PFAS: variants seen among roughly 807,000 people sequenced by gnomAD.
The protein encoded by PFAS is phosphoribosylformylglycinamidine synthase, also known as FGAM synthase.
In PFAS, 97 loss-of-function variants were observed where a neutral mutation model predicts 140.6. The observed-to-expected ratio is 0.69, with a 90% confidence interval of 0.59 to 0.82. The LOEUF (loss-of-function observed/expected upper bound fraction) is 0.82, where lower values mean the gene tolerates loss of function less well. Ranked by LOEUF, PFAS falls within the 40% of genes least tolerant of loss-of-function variation. The probability of loss-of-function intolerance (pLI) is 0.00; values close to 1 mark genes in which losing one functional copy is unlikely to be tolerated. For missense variants in PFAS, 1,656 were observed against 1,780.2 expected, an observed-to-expected ratio of 0.93 and a Z score of 1.26; for synonymous variants, 679 against 718.8, an observed-to-expected ratio of 0.94 and a Z score of 0.88.
intron 1 of PFAS, among the ~76,000 whole-genome samples, chr17:8,251,919 C>G (rs914334320): frequency 2.6e-5 from 4 of 151,848 alleles, no homozygotes; most frequent in African/African-American, 9.7e-5. Flanking sequence ...GTGATCTGCC[C>G]CTCTTGGCCT....
chr17:8,248,661 G>C (rs1403347390), upstream of PFAS, among the ~76,000 whole-genome samples: 1 of 151,740 alleles, frequency 6.6e-6, no homozygotes, highest in Non-Finnish European at 1.5e-5. Context: ...GGGCTCAAGC[G>C]ATCCTCCCAC....
chr17:8,267,529 C>G lies in PFAS; in HGVS notation c.3268-22C>G. 1 of 1,587,052 alleles carries G rather than the reference C, an allele frequency of 6.3e-7. No individual in the cohort carries two copies. Among genetic ancestry groups the G allele is most frequent in the Admixed American group, 1.7e-5 (1 of 59,974 alleles). ...TCAGCTGCGTGTCCTCCCACCCACACTCCCCCTCCCCACCTTCGCAGGTAT... is the reference window on the plus strand; with the variant it reads ...TCAGCTGCGTGTCCTCCCACCCACAGTCCCCCTCCCCACCTTCGCAGGTAT... On this transcript the variant is annotated intron_variant, in intron 25 of 27. Transcript: ENST00000314666. This position sits in a 1 kb window ranked among gnomAD's most constrained non-coding sequence, Gnocchi z 4.9.
rs753033356 is a variant in PFAS at position 8,267,381 on chromosome 17, G to A, written c.3185G>A (p.Ser1062Asn). ...CTTATTCTCCCCCAAGGTGGTCCCA[G>A]CCCCCGAGTCGCCATCTTGCGAGAG... ...ASVPREPGGPSPRVAILREEG... is the reference protein window; with the variant it reads ...ASVPREPGGPNPRVAILREEG... The change falls in exon 25 of 28, where the codon AGC becomes AAC. Residue 1062 changes from serine (S) to asparagine (N), a missense_variant. By Grantham distance (46) the Ser-to-Asn change is conservative (BLOSUM62 1). Around this residue, in one of 2 missense-constraint regions of PFAS, gnomAD observed 883 missense variants for 1,023.0 expected, o/e 0.86. Transcript: ENST00000314666. The surrounding 1 kb of genome is among the most constrained non-coding windows in gnomAD (Gnocchi z 4.9). 3.7e-6 allele frequency: 6 copies of A among 1,613,980 alleles called. No homozygotes were observed. In the Admixed American group the frequency reaches 1.0e-4, roughly 27 times the overall value.
chr17:8,249,712 A>G (rs904574735), intron 1 of PFAS, among the ~76,000 whole-genome samples: 2 of 152,216 alleles, frequency 1.3e-5, no homozygotes, highest in Non-Finnish European at 2.9e-5. Flanking sequence ...GACGGAAATC[A>G]AGTGGCTTAA....
At chr17:8,260,125 G>A (rs1439316317) in intron 11 of PFAS, among the ~76,000 whole-genome samples, 2 of 151,662 alleles carry the variant, frequency 1.3e-5, no homozygotes, top group African/African-American at 4.8e-5. Context: ...TTTTTTTTAA[G>A]TGTGGTAAAT....
In PFAS at chr17:8,267,345, G is replaced by A. The variant is rs1232240908; in HGVS notation, c.3176-27G>A. ...GTTGGGGTGGGGAAGTGACTTTCTG[G>A]CCCAAAGACACTTATTCTCCCCCAA... On this transcript the variant is annotated intron_variant, in intron 24 of 27. Coordinates refer to ENST00000314666, the MANE Select transcript of PFAS (RefSeq NM_012393.3). This position sits in a 1 kb window ranked among gnomAD's most constrained non-coding sequence, Gnocchi z 4.9. The A allele has an allele frequency of 6.2e-7, 1 of 1,607,478 alleles. No individual in the cohort carries two copies. The highest frequency in any genetic ancestry group is 8.5e-7 in the Non-Finnish European group (1 of 1,174,384).
rs1312643450 is a variant in PFAS, at chr17:8,267,878, A to G, written c.3382+213A>G. On this transcript the variant is annotated intron_variant, in intron 26 of 27. Coordinates refer to ENST00000314666, the MANE Select transcript of PFAS (RefSeq NM_012393.3). The surrounding 1 kb of genome is among the most constrained non-coding windows in gnomAD (Gnocchi z 4.9). ...TATATATATACACATATGTAATTAA[A>G]ATATATATTATTAAATATATATTAT... 6.8e-6 allele frequency among the ~76,000 whole-genome samples: 1 copy of G among 146,274 alleles called. No individual in the cohort carries two copies. The highest frequency in any genetic ancestry group is 1.5e-5 in the Non-Finnish European group (1 of 66,844).
In PFAS at chr17:8,267,547, G is replaced by A. The variant is rs745773277; in HGVS notation, c.3268-4G>A. ...ACCCACACTCCCCCTCCCCACCTTC[G>A]CAGGTATGGGACGTGACCATGCAGG... On this transcript the variant is annotated splice_polypyrimidine_tract_variant and splice_region_variant and intron_variant, in intron 25 of 27. Transcript: ENST00000314666. The surrounding 1 kb of genome is among the most constrained non-coding windows in gnomAD (Gnocchi z 4.9). 7 of 1,600,120 alleles carry A rather than the reference G, an allele frequency of 4.4e-6. No individual in the cohort carries two copies. The highest frequency in any genetic ancestry group is 4.0e-5 in the African/African-American group (3 of 74,656).
In PFAS at chr17:8,267,922, T is replaced by C. The variant is rs1437425061; in HGVS notation, c.3382+257T>C. Among the ~76,000 whole-genome samples, 2 of 145,506 alleles carry C rather than the reference T, an allele frequency of 1.4e-5. No homozygotes were observed. The highest frequency in any genetic ancestry group is 5.0e-5 in the African/African-American group (2 of 40,214). On this transcript the variant is annotated intron_variant, in intron 26 of 27. Transcript: ENST00000314666. This position sits in a 1 kb window ranked among gnomAD's most constrained non-coding sequence, Gnocchi z 4.9. ...ATATTATTTATATATATTATTTATA[T>C]ATTATTAAAATGTATATTATTTATA...
chr17:8,266,427 A>C lies in PFAS; in HGVS notation c.2821+74A>C. ...TGCAGACCCCATTTCCAATATATTAAAGAGTGGAGTGCCCTCCAGTCCCCT... is the reference window on the plus strand; with the variant it reads ...TGCAGACCCCATTTCCAATATATTACAGAGTGGAGTGCCCTCCAGTCCCCT... On this transcript the variant is annotated intron_variant, in intron 22 of 27. Coordinates refer to ENST00000314666, the MANE Select transcript of PFAS (RefSeq NM_012393.3). This position sits in a 1 kb window ranked among gnomAD's most constrained non-coding sequence, Gnocchi z 5.0. 1 of 1,591,348 alleles carries C rather than the reference A, an allele frequency of 6.3e-7. No individual in the cohort carries two copies. The highest frequency in any genetic ancestry group is 1.1e-5 in the South Asian group (1 of 87,912).
In PFAS at chr17:8,264,460, T is replaced by G; in HGVS notation, c.1918-10T>G. The stretch of plus-strand genomic sequence containing the variant: ...GGTGTTCACACTGCCTGTCGCTGTC[T>G]GTGTTGCAGGAGTTCTTCCTGCAGA... On this transcript the variant is annotated splice_polypyrimidine_tract_variant and intron_variant, in intron 16 of 27. Transcript: ENST00000314666. The G allele has an allele frequency of 6.2e-7, 1 of 1,613,484 alleles. No individual in the cohort carries two copies. Among genetic ancestry groups the G allele is most frequent in the Non-Finnish European group, 8.5e-7 (1 of 1,179,858 alleles).
intron 3 of PFAS, among the ~76,000 whole-genome samples, chr17:8,254,513 A>G (rs951348633): frequency 1.3e-5 from 2 of 152,152 alleles, no homozygotes. Context: ...GTTAAAATCA[A>G]ACAGTTTTGG....
intron 11 of PFAS, among the ~76,000 whole-genome samples, chr17:8,260,245 T>C (rs1989539017): frequency 6.6e-6 from 1 of 152,172 alleles, no homozygotes; most frequent in South Asian, 2.1e-4. Flanking sequence ...TAGGTTTATT[T>C]ACAATAGCAT....
rs1989823553 is a variant in PFAS at position 8,266,603 on chromosome 17, C to T, written c.2822-150C>T. On this transcript the variant is annotated intron_variant, in intron 22 of 27. Coordinates refer to ENST00000314666, the MANE Select transcript of PFAS (RefSeq NM_012393.3). The surrounding 1 kb of genome is among the most constrained non-coding windows in gnomAD (Gnocchi z 5.0). ...CATGATGAAACATCCTCAGTCCTGC[C>T]GTCCTAGCCCTCATCCTCCCTGATC... 6 of 1,480,366 alleles carry T rather than the reference C, an allele frequency of 4.1e-6. No homozygotes were observed. The highest frequency in any genetic ancestry group is 2.4e-5 in the Admixed American group (1 of 41,196). 91.7% of individuals were successfully genotyped at this position (1,480,366 alleles called of 1,614,324 possible).
chr17:8,264,810 C>A, intron 17 of PFAS, 85 bp from the exon 18 acceptor site: 2 of 1,070,830 alleles, frequency 1.9e-6, no homozygotes, highest in Non-Finnish European at 2.7e-6. Flanking sequence ...AGGCCTCCCA[C>A]TGCCCTGAGT....
intron 26 of PFAS, 31 bp from the exon 27 acceptor site, chr17:8,268,502 G>T: frequency 6.4e-7 from 1 of 1,560,766 alleles, no homozygotes; most frequent in Non-Finnish European, 8.8e-7. Flanking sequence ...GGTCCTCCAT[G>T]TCTCACCCTG....
In PFAS at chr17:8,263,791, T is replaced by G. The variant is rs759278840; in HGVS notation, c.1646T>G (p.Leu549Arg). The change falls in exon 15 of 28, where the codon CTG (leucine) becomes CGG (arginine). Residue 549 changes from leucine (L) to arginine (R), a missense_variant. Transcript: ENST00000314666. ...GCTGTGCAGCTTGGGGACCCAACCC[T>G]GAATGCCCTGGAAATCTGGGGGGCT... ...TSRFQLGDPT[L>R]NALEIWGAEY... The G allele has an allele frequency of 3.1e-6, 5 of 1,613,924 alleles. No homozygotes were observed. The highest frequency in any genetic ancestry group is 3.4e-6 in the Non-Finnish European group (4 of 1,179,892).
Position 8,265,434 on chromosome 17 carries a change from T to G in PFAS, c.2427T>G (p.Ala809=). 2 of 1,614,156 alleles carry G rather than the reference T, an allele frequency of 1.2e-6. No individual in the cohort carries two copies. Among genetic ancestry groups the G allele is most frequent in the Non-Finnish European group, 1.7e-6 (2 of 1,180,014 alleles). Reference sequence around the variant, plus strand: ...GTGGCAAGGACTCCCTCAGCATGGCTGCTCGGGTTGGCACTGAGACCGTGC... The same window carrying G: ...GTGGCAAGGACTCCCTCAGCATGGCGGCTCGGGTTGGCACTGAGACCGTGC... The part of the protein sequence containing the change: ...VDGGKDSLSM[A]ARVGTETVRA... Residue 809 remains alanine (A), a synonymous_variant, in exon 19 of 28, where the codon GCT becomes GCG. Transcript: ENST00000314666.
In PFAS at chr17:8,266,567, C is replaced by T; in HGVS notation, c.2822-186C>T. 2 of 1,452,078 alleles carry T rather than the reference C, an allele frequency of 1.4e-6. No individual in the cohort carries two copies. Among genetic ancestry groups the T allele is most frequent in the Non-Finnish European group, 1.8e-6 (2 of 1,107,548 alleles). The allele number at this position is 1,452,078 out of a possible 1,614,324, so 89.9% of individuals were successfully genotyped here. ...CTGCACCCCTCTGAGACTTCCCATC[C>T]CTGAGATGTCCATGATGAAACATCC... is the stretch of plus-strand genomic sequence containing the variant. On this transcript the variant is annotated intron_variant, in intron 22 of 27. Transcript: ENST00000314666. This position sits in a 1 kb window ranked among gnomAD's most constrained non-coding sequence, Gnocchi z 5.0.
Sources: gnomAD v4.1 joint callset for allele counts (sites outside exome capture counted in the v4.1 genomes callset) on GRCh38, gnomAD v4.1.1 for gene constraint, gnomAD v4.1.1 regional missense constraint, Gnocchi (gnomAD v3.1) non-coding constraint, MANE v1.5 for transcripts, NCBI Gene and HGNC (gene_info 2026-07-23, HGNC 2026-07-21) for gene names.